The following CPM variants were observed in gnomAD, a reference collection of about 807,000 sequenced individuals.
CPM encodes the protein renal carboxypeptidase.
CPM carries 35 observed loss-of-function variants against 46.4 expected under a neutral mutation model. The observed-to-expected ratio is 0.75, with a 90% CI of 0.58 to 1.00. The LOEUF (loss-of-function observed/expected upper bound fraction) is 1.00. Among genes scored for constraint, CPM ranks in the 50% least tolerant of loss-of-function variants. The probability of loss-of-function intolerance (pLI) is 0.00; values close to 1 mark genes in which losing one functional copy is unlikely to be tolerated. For synonymous variants in CPM, 195 were observed against 195.3 expected (o/e 1.00, Z 0.01); for missense variants, 422 against 530.4 (o/e 0.80, Z 2.01).
At chr12:68,943,089 A>G (rs773894100) in intron 1 of CPM, among the ~76,000 whole-genome samples, 3 of 152,206 alleles carry the variant, frequency 2.0e-5, no homozygotes, top group Non-Finnish European at 4.4e-5. Context: ...AGAATATAGC[A>G]TCAAGAGATT....
chr12:68,856,413 G>A lies in CPM; in HGVS notation c.*24C>T, dbSNP rs1884971766. 1.2e-6 allele frequency: 2 copies of A among 1,604,140 alleles called. No homozygotes were observed. Among genetic ancestry groups the A allele is most frequent in the African/African-American group, 2.7e-5 (2 of 74,704 alleles). On this transcript the variant is annotated 3_prime_UTR_variant, in exon 9 of 9. Transcript: ENST00000551568. The stretch of plus-strand genomic sequence containing the variant: ...GCAATCCCTGATTCCAGGTGGTGAT[G>A]TGGGTTGAGTTTCACATTTTACTTT...
rs528847871 is a variant in CPM at position 68,881,446 on chromosome 12, T to C, written c.258+4346A>G. Among the ~76,000 whole-genome samples, 14 of 152,310 alleles carry C rather than the reference T, an allele frequency of 9.2e-5. No individual in the cohort carries two copies. The East Asian group carries it at 1.7e-3, about 19-fold the overall frequency. ...TGCATGAGCCAGGACTGGATCCTGATTTGGGTAATTTTAGAGACATTTGAG... is the reference window on the plus strand; with the variant it reads ...TGCATGAGCCAGGACTGGATCCTGACTTGGGTAATTTTAGAGACATTTGAG... On this transcript the variant is annotated intron_variant, in intron 3 of 8. Coordinates refer to ENST00000551568, the MANE Select transcript of CPM (RefSeq NM_198320.5).
chr12:68,846,448 G>A (rs1010685951), downstream of CPM: 4 of 152,074 alleles, frequency 2.6e-5, no homozygotes, highest in Admixed American at 2.6e-4. Flanking sequence ...TTATTTCTCA[G>A]GGTTAAATTT....
intron 2 of CPM, among the ~76,000 whole-genome samples, chr12:68,905,961 T>TAAC (rs1887327524): frequency 6.6e-6 from 1 of 152,158 alleles, no homozygotes; most frequent in Non-Finnish European, 1.5e-5. Flanking sequence ...TGAGGGGTTA[T>TAAC]CTGTGCTACA....
chr12:68,962,618 G>A (rs1387537920), intron 1 of CPM, among the ~76,000 whole-genome samples: 1 of 152,178 alleles, frequency 6.6e-6, no homozygotes, highest in African/African-American at 2.4e-5. Flanking sequence ...CTCTTGGCAA[G>A]GGCATCCCAA....
At chr12:68,871,718 C>T in intron 4 of CPM, 66 bp downstream of exon 4, 1 of 1,554,046 alleles carries the variant, frequency 6.4e-7, no homozygotes, top group South Asian at 1.2e-5. Context: ...CCAAGGCCAA[C>T]AGGTGCCTGT....
intron 1 of CPM, among the ~76,000 whole-genome samples, chr12:68,952,696 T>C (rs1888954714): frequency 6.6e-6 from 1 of 152,210 alleles, no homozygotes; most frequent in African/African-American, 2.4e-5. Flanking sequence ...TTGTATGTCT[T>C]ATTTATAATC....
chr12:68,857,138 A>C (rs1033030757), intron 8 of CPM, among the ~76,000 whole-genome samples: 5 of 151,296 alleles, frequency 3.3e-5, no homozygotes, highest in African/African-American at 1.2e-4. Context: ...TTCTTTTAAA[A>C]GCTTTTCTTT....
At chr12:68,962,862 G>A (rs1034620555) in intron 1 of CPM, among the ~76,000 whole-genome samples, 1 of 152,198 alleles carries the variant, frequency 6.6e-6, no homozygotes, top group Non-Finnish European at 1.5e-5. Flanking sequence ...TCAACCAATT[G>A]CAAATCAGAA....
chr12:68,955,705 T>C (rs74099610), intron 1 of CPM, among the ~76,000 whole-genome samples: 4,847 of 152,022 alleles, frequency 0.032, 125 homozygotes, highest in East Asian at 0.088. Flanking sequence ...CGCAGACAGG[T>C]TGTCCTGAGG....
chr12:68,856,641 C>T lies in CPM; in HGVS notation c.1128G>A (p.Val376=). 1 of 1,614,222 alleles carries T rather than the reference C, an allele frequency of 6.2e-7. No individual in the cohort carries two copies. The highest frequency in any genetic ancestry group is 1.6e-4 in the Middle Eastern group (1 of 6,062). ...AGTTCTGGGATTTCTCCGGAATAAT[C>T]ACCTTTGTGATGTGTGGATCATGTC... is the stretch of plus-strand genomic sequence containing the variant. ...VPGHDPHITK[V]IIPEKSQNFS... The change falls in exon 9 of 9, where the codon GTG becomes GTA. Residue 376 remains valine, a synonymous_variant. Coordinates refer to ENST00000551568, the MANE Select transcript of CPM (RefSeq NM_198320.5).
intron 3 of CPM, among the ~76,000 whole-genome samples, chr12:68,876,645 C>G (rs1199304438): frequency 6.6e-6 from 1 of 152,124 alleles, no homozygotes; most frequent in African/African-American, 2.4e-5. Flanking sequence ...ATGGACACAC[C>G]GGCCTCCGGA....
intron 1 of CPM, among the ~76,000 whole-genome samples, chr12:68,944,265 G>A (rs1048595526): frequency 1.3e-5 from 2 of 152,130 alleles, no homozygotes; most frequent in African/African-American, 4.8e-5. Flanking sequence ...GTGTAAAAGA[G>A]AAACATAGTC....
chr12:68,939,248 T>C (rs1270820878), intron 1 of CPM, among the ~76,000 whole-genome samples: 1 of 147,250 alleles, frequency 6.8e-6, no homozygotes, highest in East Asian at 2.0e-4. Flanking sequence ...TATATGTATA[T>C]GATGTATATA....
chr12:68,856,337 T>G lies in CPM; in HGVS notation c.*100A>C. 1 of 1,318,828 alleles carries G rather than the reference T, an allele frequency of 7.6e-7. No individual in the cohort carries two copies. Among genetic ancestry groups the G allele is most frequent in the Non-Finnish European group, 1.0e-6 (1 of 955,182 alleles). 81.7% of individuals were successfully genotyped at this position (1,318,828 alleles called of 1,614,324 possible). ...TTCTTCAGGAAGATCGTGGAGTTTCTCCAGTCAAGGTCCCACTAGAGTGAG... is the reference window on the plus strand; with the variant it reads ...TTCTTCAGGAAGATCGTGGAGTTTCGCCAGTCAAGGTCCCACTAGAGTGAG... On this transcript the variant is annotated 3_prime_UTR_variant, in exon 9 of 9. Coordinates refer to ENST00000551568, the MANE Select transcript of CPM (RefSeq NM_198320.5).
chr12:68,939,763 T>C (rs553243771), intron 1 of CPM, among the ~76,000 whole-genome samples: 44 of 152,288 alleles, frequency 2.9e-4, no homozygotes, highest in African/African-American at 1.0e-3. Flanking sequence ...CATTCCAATT[T>C]ACAGTCCTCA....
intron 3 of CPM, among the ~76,000 whole-genome samples, chr12:68,875,259 G>A (rs879694353): frequency 6.6e-5 from 10 of 151,908 alleles, no homozygotes; most frequent in South Asian, 2.1e-4. Flanking sequence ...GCTGAGGCAG[G>A]AGAATCGCTT....
chr12:68,872,937 C>T (rs911994142), intron 3 of CPM, among the ~76,000 whole-genome samples: 1 of 152,000 alleles, frequency 6.6e-6, no homozygotes, highest in Non-Finnish European at 1.5e-5. Flanking sequence ...AAACTGAAGG[C>T]CTGTGAGAGA....
intron 2 of CPM, among the ~76,000 whole-genome samples, chr12:68,915,782 C>G (rs1017326842): frequency 6.6e-6 from 1 of 152,220 alleles, no homozygotes; most frequent in Non-Finnish European, 1.5e-5. Context: ...ACATAAATCG[C>G]TAAAAGACAC....
Sources: allele counts gnomAD v4.1 joint callset (sites outside exome capture counted in the v4.1 genomes callset), GRCh38; gene constraint gnomAD v4.1.1; transcripts MANE v1.5; gene names NCBI Gene and HGNC (gene_info 2026-07-23, HGNC 2026-07-21).